The following CPPED1 variants were observed in gnomAD, a reference collection of about 807,000 sequenced individuals.
CPPED1 encodes calcineurin like phosphoesterase domain containing 1.
A neutral mutation model predicts 28.0 loss-of-function variants in CPPED1; 28 were observed. The ratio of observed to expected loss-of-function variants is 1.00; its 90% confidence interval spans 0.74 to 1.37. The LOEUF is 1.37. Among genes scored for constraint, CPPED1 ranks in the 40% most tolerant of loss-of-function variants. The pLI, the probability that CPPED1 is intolerant of heterozygous loss-of-function variation, is 0.00. For missense variants in CPPED1, 504 were observed against 416.5 expected (o/e 1.21, Z -1.83); for synonymous variants, 198 against 180.2 (o/e 1.10, Z -0.79).
intron 2 of CPPED1, among the ~76,000 whole-genome samples, chr16:12,737,200 T>A (rs995336796): frequency 2.0e-5 from 3 of 151,336 alleles, no homozygotes; most frequent in Non-Finnish European, 2.9e-5. Context: ...AAAAAAATAA[T>A]AATAATAATA....
chr16:12,713,616 C>A (rs1288638904), intron 2 of CPPED1, among the ~76,000 whole-genome samples: 2 of 152,144 alleles, frequency 1.3e-5, no homozygotes, highest in South Asian at 4.1e-4. Flanking sequence ...CTGCCTCAGC[C>A]TCTTAAAGTG....
intron 3 of CPPED1, among the ~76,000 whole-genome samples, chr16:12,698,885 T>TCA (rs927336093): frequency 2.0e-5 from 3 of 152,244 alleles, no homozygotes; most frequent in African/African-American, 7.2e-5. Context: ...GAATTTTTCA[T>TCA]AATTGCCAAA....
intron 3 of CPPED1, among the ~76,000 whole-genome samples, chr16:12,689,342 T>C (rs2079950263): frequency 6.9e-6 from 1 of 144,002 alleles, no homozygotes; most frequent in South Asian, 2.4e-4. Flanking sequence ...TCCTCCCACC[T>C]CAGCCTCCCA....
intron 3 of CPPED1, among the ~76,000 whole-genome samples, chr16:12,700,549 C>T (rs1356895976): frequency 6.6e-6 from 1 of 152,196 alleles, no homozygotes; most frequent in African/African-American, 2.4e-5. Flanking sequence ...CACCACCAGG[C>T]CTGGTTAATT....
At chr16:12,684,385 G>A (rs550884618) in intron 3 of CPPED1, among the ~76,000 whole-genome samples, 12 of 152,176 alleles carry the variant, frequency 7.9e-5, no homozygotes, top group African/African-American at 2.4e-4. Flanking sequence ...GGGCCACTTC[G>A]TCAAGTAAAA....
chr16:12,785,335 G>T (rs1347583185), intron 1 of CPPED1, among the ~76,000 whole-genome samples: 1 of 151,704 alleles, frequency 6.6e-6, no homozygotes, highest in East Asian at 1.9e-4. Flanking sequence ...CTGCAGCCTT[G>T]TTCTCCCATG....
At chr16:12,767,882 A>C (rs1401385750) in intron 2 of CPPED1, among the ~76,000 whole-genome samples, 1 of 152,120 alleles carries the variant, frequency 6.6e-6, no homozygotes, top group African/African-American at 2.4e-5. Flanking sequence ...ACTTGAACCC[A>C]GGAGGAAGGT....
intron 1 of CPPED1, among the ~76,000 whole-genome samples, chr16:12,797,853 G>A (rs1201645045): frequency 6.6e-6 from 1 of 152,190 alleles, no homozygotes; most frequent in Non-Finnish European, 1.5e-5. Flanking sequence ...GCTGAGGTGG[G>A]AGGATAGCTT....
chr16:12,669,800 T>C (rs1278358938), intron 3 of CPPED1, among the ~76,000 whole-genome samples: 4 of 152,124 alleles, frequency 2.6e-5, no homozygotes, highest in African/African-American at 9.7e-5. Context: ...ATGGCTACCA[T>C]AGCATTGAGC....
In CPPED1 at chr16:12,706,690, G is replaced by T. The variant is rs536958455; in HGVS notation, c.290-1641C>A. Among the ~76,000 whole-genome samples the T allele has an allele frequency of 3.5e-4, 53 of 152,078 alleles. No homozygotes were observed. The South Asian group carries it at 0.011, about 31-fold the overall frequency. ...CCCAGGGCCAGCCTGGATCAACTCA[G>T]ACCAGCCATGAGGCCAATGTGGACT... On this transcript the variant is annotated intron_variant, in intron 2 of 3. Transcript: ENST00000381774.
At chr16:12,694,642 A>G (rs1357546755) in intron 3 of CPPED1, among the ~76,000 whole-genome samples, 1 of 149,648 alleles carries the variant, frequency 6.7e-6, no homozygotes, top group Non-Finnish European at 1.5e-5. Flanking sequence ...ATTCAAGACT[A>G]AATCTGAGGA....
chr16:12,782,250 T>A (rs75380270), intron 1 of CPPED1, among the ~76,000 whole-genome samples: 2,144 of 152,304 alleles, frequency 0.014, 45 homozygotes, highest in African/African-American at 0.049. Flanking sequence ...GCTGTGGGTT[T>A]CACTTTTTAA....
chr16:12,768,500 A>T (rs1053583465), intron 2 of CPPED1, among the ~76,000 whole-genome samples: 4 of 152,238 alleles, frequency 2.6e-5, no homozygotes, highest in African/African-American at 9.6e-5. Context: ...TTAAAGGTAC[A>T]GTTTCACCAT....
At chr16:12,783,749 T>C (rs2080546407) in intron 1 of CPPED1, among the ~76,000 whole-genome samples, 1 of 152,116 alleles carries the variant, frequency 6.6e-6, no homozygotes. Flanking sequence ...CAAAAATACC[T>C]CTGCACACGT....
chr16:12,781,049 G>A, intron 2 of CPPED1, 136 bp downstream of exon 2: 1 of 685,950 alleles, frequency 1.5e-6, no homozygotes, highest in Non-Finnish European at 2.5e-6. Context: ...CAATGATACT[G>A]CAACAATCAT....
At chr16:12,799,210 G>C (rs1031387397) in intron 1 of CPPED1, among the ~76,000 whole-genome samples, 2 of 151,316 alleles carry the variant, frequency 1.3e-5, no homozygotes, top group Admixed American at 6.6e-5. Flanking sequence ...CCCTTTGATG[G>C]TGTGTGTTTT....
At chr16:12,773,465 A>G (rs915449218) in intron 2 of CPPED1, among the ~76,000 whole-genome samples, 31 of 152,328 alleles carry the variant, frequency 2.0e-4, no homozygotes, top group Admixed American at 1.9e-3. Context: ...CTCATGCCTG[A>G]TAAGTCCAAC....
At chr16:12,775,640 C>T (rs901158987) in intron 2 of CPPED1, among the ~76,000 whole-genome samples, 36 of 152,150 alleles carry the variant, frequency 2.4e-4, no homozygotes, top group African/African-American at 8.2e-4. Context: ...TCCATTAGGT[C>T]TGGGCAGGGC....
intron 2 of CPPED1, among the ~76,000 whole-genome samples, chr16:12,756,584 G>A (rs756167587): frequency 9.9e-5 from 15 of 152,078 alleles, no homozygotes; most frequent in Non-Finnish European, 1.6e-4. Context: ...GAGCACACCT[G>A]TCATCCCAGT....
Sources: allele counts gnomAD v4.1 joint callset (sites outside exome capture counted in the v4.1 genomes callset), GRCh38; gene constraint gnomAD v4.1.1; transcripts MANE v1.5; gene names NCBI Gene and HGNC (gene_info 2026-07-23, HGNC 2026-07-21).